Variants in C2CD5 observed in about 807,000 individuals in gnomAD.
The protein encoded by C2CD5 is C2 domain-containing protein 5.
Under a neutral mutation model 130.3 loss-of-function variants are expected in C2CD5, and 109 were observed. That is an observed-to-expected ratio of 0.84 (90% CI 0.72 to 0.98). The LOEUF (loss-of-function observed/expected upper bound fraction) is 0.98, where lower values mean the gene tolerates loss of function less well. C2CD5 is among the 50% of genes least tolerant of loss of function. C2CD5 has a pLI of 0.00. For synonymous variants in C2CD5, 454 were observed against 429.2 expected, an observed-to-expected ratio of 1.06 and a Z score of -0.71; for missense variants, 996 against 1,261.8, an observed-to-expected ratio of 0.79 and a Z score of 3.19.
chr12:22,461,554 C>T (rs184229466), intron 22 of C2CD5, among the ~76,000 whole-genome samples: 363 of 152,120 alleles, frequency 2.4e-3, no homozygotes, highest in Non-Finnish European at 4.1e-3. Context: ...ATGTAAAATA[C>T]TTGTGTTTTT....
At chr12:22,495,528 T>A (rs1002338461) in intron 10 of C2CD5, among the ~76,000 whole-genome samples, 6 of 150,180 alleles carry the variant, frequency 4.0e-5, no homozygotes, top group African/African-American at 1.5e-4. Flanking sequence ...CCAAACACTA[T>A]GAAAGAATAA....
At position 22,474,797 on chromosome 12, in the gene C2CD5, G is replaced by A; in HGVS notation, c.1997C>T (p.Thr666Ile). The A allele has an allele frequency of 6.2e-7, 1 of 1,610,896 alleles. No individual in the cohort carries two copies. Among genetic ancestry groups the A allele is most frequent in the South Asian group, 1.1e-5 (1 of 90,572 alleles). The part of the protein sequence containing the change: ...RSQSESSDEV[T>I]ELDLSHGKKD... Reference sequence around the variant, plus strand: ...TTTCCCATGTGAAAGGTCTAATTCTGTAACTTCATCCGAGCTTTCTGATTG... The same window carrying A: ...TTTCCCATGTGAAAGGTCTAATTCTATAACTTCATCCGAGCTTTCTGATTG... Residue 666 changes from threonine (T) to isoleucine (I), a missense_variant, in exon 16 of 27, where the codon ACA (threonine) becomes ATA (isoleucine). Physicochemically the swap from Thr to Ile is moderately conservative, Grantham distance 89 (BLOSUM62 -1). Around this residue, in one of 9 missense-constraint regions of C2CD5, gnomAD observed 590 missense variants for 631.4 expected, o/e 0.93. Coordinates refer to ENST00000446597, the MANE Select transcript of C2CD5 (RefSeq NM_001286176.2).
At chr12:22,491,677 G>A (rs1035878584) in intron 11 of C2CD5, among the ~76,000 whole-genome samples, 2 of 152,024 alleles carry the variant, frequency 1.3e-5, no homozygotes, top group African/African-American at 4.8e-5. Context: ...TTCGAGATCA[G>A]CCTGACCAAC....
intron 12 of C2CD5, among the ~76,000 whole-genome samples, chr12:22,485,095 GACTT>G (rs1261429419): frequency 6.6e-6 from 1 of 151,980 alleles, no homozygotes; most frequent in Non-Finnish European, 1.5e-5. Context: ...TGAGAGAAAA[GACTT>G]ACCAATTGCA....
intron 9 of C2CD5, among the ~76,000 whole-genome samples, chr12:22,511,492 C>T (rs766170058): frequency 1.3e-5 from 2 of 152,084 alleles, no homozygotes; most frequent in African/African-American, 2.4e-5. Flanking sequence ...ACTGCTACTT[C>T]GAGGACAGGC....
Position 22,455,360 on chromosome 12 carries a change from T to C in C2CD5, c.2878-1318A>G, listed in dbSNP as rs1591919001. On this transcript the variant is annotated intron_variant, in intron 25 of 26. Coordinates refer to ENST00000446597, the MANE Select transcript of C2CD5 (RefSeq NM_001286176.2). ...TCAGGCAATTAACACATTTGGGATA[T>C]GGTGCTACACAATTATTATTATAAG... Among the ~76,000 whole-genome samples, 4 of 152,312 alleles carry C rather than the reference T, an allele frequency of 2.6e-5. No homozygotes were observed. The South Asian group carries it at 6.2e-4, about 24-fold the overall frequency.
chr12:22,466,554 T>A (rs1942114476), intron 22 of C2CD5, among the ~76,000 whole-genome samples: 1 of 152,162 alleles, frequency 6.6e-6, no homozygotes, highest in African/African-American at 2.4e-5. Context: ...ACTCCATTTT[T>A]AAGACTCTAT....
chr12:22,459,561 C>A lies in C2CD5; in HGVS notation c.2534-19G>T. The A allele has an allele frequency of 6.7e-7, 1 of 1,488,900 alleles. No homozygotes were observed. The highest frequency in any genetic ancestry group is 1.4e-5 in the African/African-American group (1 of 72,168). 92.2% of individuals were successfully genotyped at this position (1,488,900 alleles called of 1,614,324 possible). ...AGGTGTTCTAATAAGACAATATGAA[C>A]AACATTAGCTCAGATGCTAAGTACA... On this transcript the variant is annotated intron_variant, in intron 22 of 26. Coordinates refer to ENST00000446597, the MANE Select transcript of C2CD5 (RefSeq NM_001286176.2).
At chr12:22,488,875 C>CTT (rs149777462) in intron 12 of C2CD5, among the ~76,000 whole-genome samples, 12 of 137,724 alleles carry the variant, frequency 8.7e-5, no homozygotes, top group East Asian at 8.3e-4. Flanking sequence ...AATTTTTTTG[C>CTT]TTTTTTTTTT....
At chr12:22,488,138 T>C (rs963836051) in intron 12 of C2CD5, among the ~76,000 whole-genome samples, 1 of 151,866 alleles carries the variant, frequency 6.6e-6, no homozygotes, top group African/African-American at 2.4e-5. Flanking sequence ...GGCACAGGTA[T>C]ACATATGTAA....
intron 10 of C2CD5, among the ~76,000 whole-genome samples, chr12:22,499,486 T>A (rs1179295654): frequency 1.3e-5 from 2 of 152,202 alleles, no homozygotes; most frequent in Non-Finnish European, 2.9e-5. Context: ...AATGGTCTAC[T>A]ATTATAAAGC....
rs1240901031 is a variant in C2CD5 at position 22,518,051 on chromosome 12, G to A, written c.887C>T (p.Pro296Leu). 3 of 1,613,914 alleles carry A rather than the reference G, an allele frequency of 1.9e-6. No homozygotes were observed. In the East Asian group the frequency reaches 6.7e-5, roughly 36 times the overall value. ...PLKNQTYSFSPSKSYSRQSSS... is the reference protein window; with the variant it reads ...PLKNQTYSFSLSKSYSRQSSS... ...GGACTGTCGACTGTAGGACTTGGAA[G>A]GTGAAAAGGAATAAGTTTGGTTTTT... The change falls in exon 8 of 27, where the codon CCT (proline) becomes CTT (leucine). Residue 296 changes from proline to leucine, a missense_variant. Physicochemically the swap from Pro to Leu is moderately conservative, Grantham distance 98. This residue lies in a region of C2CD5 where 156 missense variants were observed against 165.9 expected (regional missense o/e 0.94). Coordinates refer to ENST00000446597, the MANE Select transcript of C2CD5 (RefSeq NM_001286176.2).
At chr12:22,476,782 T>C (rs903633085) in intron 15 of C2CD5, among the ~76,000 whole-genome samples, 4 of 152,032 alleles carry the variant, frequency 2.6e-5, no homozygotes, top group African/African-American at 9.7e-5. Flanking sequence ...AGAAACACTA[T>C]TAAGTAAGTA....
At chr12:22,531,391 A>G (rs754349733) in intron 3 of C2CD5, among the ~76,000 whole-genome samples, 6 of 152,226 alleles carry the variant, frequency 3.9e-5, no homozygotes, top group African/African-American at 7.2e-5. Context: ...ACTCACTACA[A>G]AGCTATAGTA....
intron 16 of C2CD5, 122 bp from the exon 17 acceptor site, chr12:22,472,929 C>T (rs1483274800): frequency 1.6e-6 from 1 of 630,114 alleles, no homozygotes; most frequent in Non-Finnish European, 2.8e-6. Context: ...AAATATGTAA[C>T]AAGAAAAAAA....
In C2CD5 at chr12:22,506,731, A is replaced by G; in HGVS notation, c.1127T>C (p.Leu376Ser). ...CATACCAGGATTGTGGATACGATCC[A>G]AAAGCTTCACAGAACGTGCACTAAC... The part of the protein sequence containing the change: ...GVVSARSVKL[L>S]DRIHNPDEPE... The change falls in exon 10 of 27, where the codon TTG (leucine) becomes TCG (serine). Residue 376 changes from leucine to serine, a missense_variant. Physicochemically the swap from Leu to Ser is moderately radical, Grantham distance 145. This residue lies in a region of C2CD5 where 156 missense variants were observed against 165.9 expected (regional missense o/e 0.94). Coordinates refer to ENST00000446597, the MANE Select transcript of C2CD5 (RefSeq NM_001286176.2). The G allele has an allele frequency of 6.3e-7, 1 of 1,596,440 alleles. No individual in the cohort carries two copies.
Position 22,449,675 on chromosome 12 carries a change from AT to A in C2CD5, c.*84del. ...TTCTTCCTTATTTATCTCAAGTTCAATTTTAAGTCTAAGAAGATAATTAATG... is the reference window on the plus strand; with the variant it reads ...TTCTTCCTTATTTATCTCAAGTTCAATTTAAGTCTAAGAAGATAATTAATG... On this transcript the variant is annotated 3_prime_UTR_variant, in exon 27 of 27. Coordinates refer to ENST00000446597, the MANE Select transcript of C2CD5 (RefSeq NM_001286176.2). 7.9e-7 allele frequency: 1 copy of A among 1,258,338 alleles called. No individual in the cohort carries two copies. 77.9% of individuals were successfully genotyped at this position (1,258,338 alleles called of 1,614,324 possible). A position where few individuals can be genotyped will look rare whatever the true frequency, so the allele number is the denominator to read the frequency against.
At chr12:22,538,648 A>G (rs1328591929) in intron 2 of C2CD5, among the ~76,000 whole-genome samples, 1 of 152,182 alleles carries the variant, frequency 6.6e-6, no homozygotes, top group Non-Finnish European at 1.5e-5. Context: ...TCCTAGCCAG[A>G]TTTATTTCCC....
chr12:22,497,685 G>T, intron 10 of C2CD5: 1 of 408,198 alleles, frequency 2.4e-6, no homozygotes, highest in Non-Finnish European at 3.3e-6. Context: ...CTCAAACTGG[G>T]TGGGGATCAG....
Sources: allele counts gnomAD v4.1 joint callset (sites outside exome capture counted in the v4.1 genomes callset), GRCh38; gene constraint gnomAD v4.1.1; regional missense constraint gnomAD v4.1.1; transcripts MANE v1.5; gene names NCBI Gene and HGNC (gene_info 2026-07-23, HGNC 2026-07-21).